Variants in PALS2 observed in about 807,000 individuals in gnomAD.
The protein encoded by PALS2 is protein PALS2.
Under a neutral mutation model 61.6 loss-of-function variants are expected in PALS2, and 27 were observed. The observed-to-expected ratio is 0.44, with a 90% CI of 0.32 to 0.60. The LOEUF is 0.60. Among genes scored for constraint, PALS2 ranks in the 20% least tolerant of loss-of-function variants. The probability of loss-of-function intolerance (pLI) is 0.05; values close to 1 mark genes in which losing one functional copy is unlikely to be tolerated. For synonymous variants in PALS2, 236 were observed against 218.6 expected (o/e 1.08, Z -0.70); for missense variants, 554 against 639.4 (o/e 0.87, Z 1.44).
rs143537632 is a variant in PALS2 at position 24,691,389 on chromosome 7, A to ATGTGTGTGTGTGTGTG, written c.*3777_*3792dup. On this transcript the variant is annotated 3_prime_UTR_variant, in exon 12 of 12. Coordinates refer to ENST00000222644, the MANE Select transcript of PALS2 (RefSeq NM_001303037.2). ...ATGTTCGAGTTGCCATATATTATGT[A>ATGTGTGTGTGTGTGTG]TGTGTGTGTGTGTGTGTATATATAT... The ATGTGTGTGTGTGTGTG allele has an allele frequency of 8.8e-3, 770 of 87,532 alleles. 11 individuals are homozygous for ATGTGTGTGTGTGTGTG. Among genetic ancestry groups the ATGTGTGTGTGTGTGTG allele is most frequent in the Non-Finnish European group, 0.011 (501 of 46,392 alleles). 5.4% of individuals were successfully genotyped at this position (87,532 alleles called of 1,614,324 possible). A position where few individuals can be genotyped will look rare whatever the true frequency, so the allele number is the denominator to read the frequency against.
intron 1 of PALS2, among the ~76,000 whole-genome samples, chr7:24,591,982 C>CAA (rs550655995): frequency 1.4e-5 from 2 of 143,172 alleles, no homozygotes; most frequent in African/African-American, 5.1e-5. Context: ...CAGAAAAATG[C>CAA]AAAAAAAAAA....
At chr7:24,679,382 GT>G in intron 10 of PALS2, 49 bp downstream of exon 10, 1 of 1,588,036 alleles carries the variant, frequency 6.3e-7, no homozygotes, top group Non-Finnish European at 8.6e-7. Context: ...TTTCTGTGGA[GT>G]TTTTTTCATG....
chr7:24,603,633 C>T (rs774174612), intron 1 of PALS2, among the ~76,000 whole-genome samples: 11 of 152,140 alleles, frequency 7.2e-5, no homozygotes, highest in Non-Finnish European at 1.3e-4. Context: ...TGAACACAGC[C>T]GTTGCTGATT....
intron 2 of PALS2, among the ~76,000 whole-genome samples, chr7:24,633,035 T>C (rs1785069610): frequency 6.6e-6 from 1 of 152,186 alleles, no homozygotes; most frequent in African/African-American, 2.4e-5. Context: ...CCATATAATA[T>C]TGCTGCCATT....
rs1787149042 is a variant in PALS2 at position 24,668,604 on chromosome 7, G to T, written c.1058G>T (p.Ser353Ile). 3.7e-6 allele frequency: 6 copies of T among 1,613,796 alleles called. No individual in the cohort carries two copies. Among genetic ancestry groups the T allele is most frequent in the African/African-American group, 1.3e-5 (1 of 74,892 alleles). Residue 353 changes from serine to isoleucine, a missense_variant, in exon 9 of 12, where the codon AGC becomes ATC. Transcript: ENST00000222644. ...GGAGCTCAAGGTGTAGGCCGAAGAA[G>T]CTTGAAAAACAGGTTCATAGTATTG... is the stretch of plus-strand genomic sequence containing the variant. ...LIGAQGVGRR[S>I]LKNRFIVLNP...
intron 1 of PALS2, among the ~76,000 whole-genome samples, chr7:24,621,173 A>AGAT (rs1784495723): frequency 2.6e-5 from 4 of 151,986 alleles, no homozygotes; most frequent in African/African-American, 9.7e-5. Flanking sequence ...CTTCATGTTA[A>AGAT]TCCAATACTT....
Position 24,627,626 on chromosome 7 carries a change from T to G in PALS2, c.117+3842T>G, listed in dbSNP as rs561913650. 2.4e-3 allele frequency among the ~76,000 whole-genome samples: 371 copies of G among 151,970 alleles called. 3 individuals are homozygous for G. The highest frequency in any genetic ancestry group is 4.3e-3 in the Non-Finnish European group (289 of 67,964). ...AAAATAGATAGACCGCTAGCCAGAC[T>G]AGTAAAGAAGAAAAGAGGGAAGAAT... On this transcript the variant is annotated intron_variant, in intron 2 of 11. Coordinates refer to ENST00000222644, the MANE Select transcript of PALS2 (RefSeq NM_001303037.2).
rs1180943760 is a variant in PALS2 at position 24,687,476 on chromosome 7, G to C, written c.1485G>C (p.Arg495=). 1 of 1,612,042 alleles carries C rather than the reference G, an allele frequency of 6.2e-7. No homozygotes were observed. The change falls in exon 12 of 12, where the codon CGG becomes CGC. Residue 495 remains arginine, a synonymous_variant. Transcript: ENST00000222644. The surrounding 1 kb of genome is among the most constrained non-coding windows in gnomAD (Gnocchi z 4.5). The part of the protein sequence containing the change: ...DLKKTVDESA[R]IQRAYNHYFD... The stretch of plus-strand genomic sequence containing the variant: ...AGAAAACAGTGGATGAAAGTGCACG[G>C]ATTCAGAGAGCATACAACCACTATT...
intron 3 of PALS2, among the ~76,000 whole-genome samples, chr7:24,648,115 G>T (rs1785938234): frequency 6.6e-6 from 1 of 152,018 alleles, no homozygotes; most frequent in South Asian, 2.1e-4. Context: ...TTCACAAATT[G>T]TTTTATGAAA....
intron 1 of PALS2, among the ~76,000 whole-genome samples, chr7:24,578,184 C>T (rs942764700): frequency 6.6e-6 from 1 of 152,176 alleles, no homozygotes; most frequent in Non-Finnish European, 1.5e-5. Context: ...CTCCTGATCT[C>T]AAGGGATTCT....
intron 5 of PALS2, among the ~76,000 whole-genome samples, chr7:24,655,864 G>A (rs906509397): frequency 1.3e-5 from 2 of 151,960 alleles, no homozygotes; most frequent in African/African-American, 4.8e-5. Context: ...TTTTTATTTG[G>A]CTGAGGCTTC....
At chr7:24,662,673 G>T (rs1012831782) in intron 5 of PALS2, among the ~76,000 whole-genome samples, 1 of 151,202 alleles carries the variant, frequency 6.6e-6, no homozygotes, top group African/African-American at 2.4e-5. Flanking sequence ...GGAGGCTGAG[G>T]CAGGAGAATC....
intron 1 of PALS2, among the ~76,000 whole-genome samples, chr7:24,589,932 A>G (rs1050827963): frequency 6.6e-6 from 1 of 152,148 alleles, no homozygotes; most frequent in Non-Finnish European, 1.5e-5. Context: ...TCCTGACCTG[A>G]ACACTACTCA....
At chr7:24,645,752 C>T (rs1020750365) in intron 3 of PALS2, among the ~76,000 whole-genome samples, 10 of 152,130 alleles carry the variant, frequency 6.6e-5, no homozygotes, top group East Asian at 3.9e-4. Context: ...TCCATGAGCA[C>T]GGGATGTTTC....
intron 11 of PALS2, among the ~76,000 whole-genome samples, chr7:24,685,039 C>T (rs1181670262): frequency 6.6e-6 from 1 of 151,854 alleles, no homozygotes; most frequent in Non-Finnish European, 1.5e-5. Context: ...TGGTTTGCCG[C>T]ACAGATCAAC....
chr7:24,622,159 G>C (rs1044454101), intron 1 of PALS2, among the ~76,000 whole-genome samples: 2 of 151,808 alleles, frequency 1.3e-5, no homozygotes, highest in Admixed American at 1.3e-4. Flanking sequence ...TGGTTTTTTT[G>C]AGTTTCCATA....
At chr7:24,675,503 C>G (rs1003865940) in intron 9 of PALS2, among the ~76,000 whole-genome samples, 2 of 149,766 alleles carry the variant, frequency 1.3e-5, no homozygotes, top group Non-Finnish European at 3.0e-5. Context: ...AACTCGTCAT[C>G]TAGCATTAGG....
intron 1 of PALS2, among the ~76,000 whole-genome samples, chr7:24,591,780 G>T (rs1783297201): frequency 6.6e-6 from 1 of 151,936 alleles, no homozygotes; most frequent in South Asian, 2.1e-4. Flanking sequence ...TCTCTTTAAA[G>T]ATACTTTATT....
rs182993387 is a variant in PALS2, at chr7:24,583,004, C to T, written c.-3+9411C>T. ...CTGCCTCCCGGATTCAAGTGATTCT[C>T]CTGCCTCAGCTTCCTGAGTGGCTGG... On this transcript the variant is annotated intron_variant, in intron 1 of 11. Coordinates refer to ENST00000222644, the MANE Select transcript of PALS2 (RefSeq NM_001303037.2). Among the ~76,000 whole-genome samples the T allele has an allele frequency of 5.4e-3, 784 of 145,764 alleles. 8 individuals carry two copies. The highest frequency in any genetic ancestry group is 0.018 in the African/African-American group (716 of 39,334).
Sources: allele counts gnomAD v4.1 joint callset (sites outside exome capture counted in the v4.1 genomes callset), GRCh38; gene constraint gnomAD v4.1.1; non-coding constraint Gnocchi (gnomAD v3.1); transcripts MANE v1.5; gene names NCBI Gene and HGNC (gene_info 2026-07-23, HGNC 2026-07-21).